Variants in INPP4A observed in about 807,000 individuals in gnomAD.
INPP4A encodes inositol polyphosphate-4-phosphatase type I A.
Under a neutral mutation model 119.8 loss-of-function variants are expected in INPP4A, and 33 were observed. The ratio of observed to expected loss-of-function variants is 0.28; its 90% CI spans 0.21 to 0.37. The LOEUF (loss-of-function observed/expected upper bound fraction) is 0.37. Among genes scored for constraint, INPP4A ranks in the 10% least tolerant of loss-of-function variants. INPP4A has a pLI of 1.00. For missense variants in INPP4A, 956 were observed against 1,289.9 expected (o/e 0.74, Z 3.97); for synonymous variants, 496 against 500.7 (o/e 0.99, Z 0.12).
intron 1 of INPP4A, among the ~76,000 whole-genome samples, chr2:98,484,680 C>G (rs1345376650): frequency 1.3e-5 from 2 of 152,134 alleles, no homozygotes; most frequent in African/African-American, 4.8e-5. Context: ...CATGATGTGT[C>G]CATCTCCCAG....
chr2:98,484,288 G>C (rs1679101895), intron 1 of INPP4A, among the ~76,000 whole-genome samples: 1 of 152,126 alleles, frequency 6.6e-6, no homozygotes, highest in Non-Finnish European at 1.5e-5. Context: ...CCCCCTAGTT[G>C]CCCACAAGCC....
chr2:98,485,090 C>T (rs1019228561), intron 1 of INPP4A, among the ~76,000 whole-genome samples: 2 of 152,096 alleles, frequency 1.3e-5, no homozygotes, highest in African/African-American at 4.8e-5. Context: ...CAGCTCCGCA[C>T]ATCTGCTTGG....
intron 16 of INPP4A, among the ~76,000 whole-genome samples, chr2:98,558,721 C>G (rs989380902): frequency 6.6e-6 from 1 of 152,132 alleles, no homozygotes; most frequent in Non-Finnish European, 1.5e-5. Flanking sequence ...AACTTGTTTT[C>G]TCTTAGATGG....
intron 24 of INPP4A, among the ~76,000 whole-genome samples, chr2:98,587,098 GT>G (rs1316848111): frequency 2.6e-5 from 4 of 152,238 alleles, no homozygotes; most frequent in Non-Finnish European, 5.9e-5. Flanking sequence ...TTTAGTAAGA[GT>G]AGTAATATTT....
intron 1 of INPP4A, among the ~76,000 whole-genome samples, chr2:98,465,300 G>A (rs758945729): frequency 2.6e-5 from 4 of 152,094 alleles, no homozygotes; most frequent in Non-Finnish European, 4.4e-5. Flanking sequence ...ACACCAGCAG[G>A]GTAACATCTT....
At chr2:98,508,540 G>A (rs544382894) in intron 1 of INPP4A, among the ~76,000 whole-genome samples, 4 of 152,256 alleles carry the variant, frequency 2.6e-5, no homozygotes, top group South Asian at 2.1e-4. Context: ...TTCAGTTCCC[G>A]GCCCTCTTGG....
intron 4 of INPP4A, among the ~76,000 whole-genome samples, chr2:98,531,490 G>C (rs1689202684): frequency 6.6e-6 from 1 of 152,110 alleles, no homozygotes; most frequent in South Asian, 2.1e-4. Context: ...ATTTATAGTT[G>C]AGCATTTCTC....
At chr2:98,493,426 ATTTTTTTTTTT>A in intron 1 of INPP4A, among the ~76,000 whole-genome samples, 1 of 123,088 alleles carries the variant, frequency 8.1e-6, no homozygotes, top group Non-Finnish European at 1.7e-5. Context: ...TTCTATTTCT[ATTTTTTTTTTT>A]TTTTTTTGAG....
intron 1 of INPP4A, among the ~76,000 whole-genome samples, chr2:98,514,135 T>G (rs1490687539): frequency 1.3e-5 from 2 of 152,216 alleles, no homozygotes; most frequent in African/African-American, 2.4e-5. Flanking sequence ...GCCACTTCAG[T>G]GAACCCGTCG....
intron 4 of INPP4A, among the ~76,000 whole-genome samples, chr2:98,523,962 T>G (rs993358859): frequency 1.8e-4 from 27 of 152,194 alleles, no homozygotes; most frequent in African/African-American, 6.3e-4. Context: ...GTCATCCTAG[T>G]GCTCTTGACA....
intron 1 of INPP4A, among the ~76,000 whole-genome samples, chr2:98,470,472 C>A (rs768954051): frequency 6.6e-6 from 1 of 152,164 alleles, no homozygotes; most frequent in African/African-American, 2.4e-5. Context: ...CGCTGGGCTT[C>A]GGCCCCTGCA....
chr2:98,573,706 A>C (rs1287942992), intron 23 of INPP4A, among the ~76,000 whole-genome samples: 2 of 152,072 alleles, frequency 1.3e-5, no homozygotes, highest in Non-Finnish European at 2.9e-5. Flanking sequence ...CTTGTCAGGA[A>C]GGTGCTTCTC....
At chr2:98,568,225 C>T (rs899376222) in intron 21 of INPP4A, among the ~76,000 whole-genome samples, 7 of 152,112 alleles carry the variant, frequency 4.6e-5, no homozygotes, top group Non-Finnish European at 8.8e-5. Flanking sequence ...ACCTCACTGC[C>T]GTCCCCCCTC....
At chr2:98,563,326 A>C in intron 17 of INPP4A, 139 bp from the exon 18 acceptor site, 6 of 829,586 alleles carry the variant, frequency 7.2e-6, no homozygotes, top group Non-Finnish European at 9.5e-6. Flanking sequence ...GGTTGGTTCC[A>C]GACAGAGCTG....
At chr2:98,576,843 A>C in intron 23 of INPP4A, 146 bp from the exon 24 acceptor site, 2 of 934,672 alleles carry the variant, frequency 2.1e-6, no homozygotes, top group Non-Finnish European at 3.1e-6. Flanking sequence ...GAGTTGGGGA[A>C]CAAAATTGGA....
chr2:98,504,495 G>A (rs962548133), intron 1 of INPP4A, among the ~76,000 whole-genome samples: 1 of 152,194 alleles, frequency 6.6e-6, no homozygotes, highest in African/African-American at 2.4e-5. Context: ...ATTTCAGTTT[G>A]TTGTTGAGGA....
chr2:98,559,391 T>G, intron 16 of INPP4A, 72 bp from the exon 17 acceptor site: 1,083 of 1,493,792 alleles, frequency 7.3e-4, no homozygotes, highest in Non-Finnish European at 9.4e-4. Flanking sequence ...GCTGCTGCTC[T>G]GAGATTGAGT....
intron 1 of INPP4A, among the ~76,000 whole-genome samples, chr2:98,498,497 A>G (rs973148266): frequency 6.6e-6 from 1 of 151,824 alleles, no homozygotes; most frequent in Non-Finnish European, 1.5e-5. Flanking sequence ...AAAACGAACT[A>G]TTACAACTGT....
intron 1 of INPP4A, among the ~76,000 whole-genome samples, chr2:98,503,306 T>C (rs1466970303): frequency 1.3e-5 from 2 of 152,216 alleles, no homozygotes; most frequent in South Asian, 4.1e-4. Flanking sequence ...CTTCACTGCC[T>C]GCAAGCTAAA....
Sources: allele counts gnomAD v4.1 joint callset (sites outside exome capture counted in the v4.1 genomes callset), GRCh38; gene constraint gnomAD v4.1.1; transcripts MANE v1.5; gene names NCBI Gene and HGNC (gene_info 2026-07-23, HGNC 2026-07-21).